SPRYD7: variants seen among roughly 807,000 people sequenced by gnomAD.
The protein encoded by SPRYD7 is SPRY domain-containing protein 7.
Under a neutral mutation model 23.8 loss-of-function variants are expected in SPRYD7, and 14 were observed. That is an observed-to-expected ratio of 0.59 (90% CI 0.39 to 0.92). The LOEUF is 0.92. Ranked by LOEUF, SPRYD7 falls within the 40% of genes least tolerant of loss-of-function variation. The pLI, the probability that SPRYD7 is intolerant of heterozygous loss-of-function variation, is 0.00. For missense variants in SPRYD7, 194 were observed against 241.7 expected, an observed-to-expected ratio of 0.80 and a Z score of 1.31; for synonymous variants, 75 against 84.9, an observed-to-expected ratio of 0.88 and a Z score of 0.64.
At chr13:49,931,469 C>A (rs1955948643) in intron 1 of SPRYD7, among the ~76,000 whole-genome samples, 1 of 151,914 alleles carries the variant, frequency 6.6e-6, no homozygotes, top group Admixed American at 6.6e-5. Flanking sequence ...CGTGAAGCAC[C>A]GCGCCTGGCC....
intron 3 of SPRYD7, among the ~76,000 whole-genome samples, chr13:49,922,956 A>G (rs1955837200): frequency 2.0e-5 from 3 of 152,218 alleles, no homozygotes; most frequent in Non-Finnish European, 2.9e-5. Flanking sequence ...TAACTTAAAC[A>G]ATTATTAATA....
chr13:49,918,233 T>A (rs1955774105), intron 4 of SPRYD7, among the ~76,000 whole-genome samples: 1 of 152,000 alleles, frequency 6.6e-6, no homozygotes, highest in Admixed American at 6.6e-5. Flanking sequence ...TGGATAATTT[T>A]AAAATTTTTT....
At chr13:49,926,016 T>C (rs972219163) in intron 3 of SPRYD7, among the ~76,000 whole-genome samples, 22 of 152,350 alleles carry the variant, frequency 1.4e-4, no homozygotes, top group African/African-American at 5.1e-4. Context: ...GAGAATGCTT[T>C]TCCTGTCTTA....
chr13:49,928,574 T>C (rs915932518), intron 2 of SPRYD7, among the ~76,000 whole-genome samples: 1 of 152,242 alleles, frequency 6.6e-6, no homozygotes, highest in African/African-American at 2.4e-5. Flanking sequence ...TGCTACATCA[T>C]CTTGCGCAAA....
At position 49,930,436 on chromosome 13, in the gene SPRYD7, C is replaced by T. The variant is rs542242732; in HGVS notation, c.223+582G>A. Among the ~76,000 whole-genome samples the T allele has an allele frequency of 4.6e-5, 7 of 152,090 alleles. No individual in the cohort carries two copies. The South Asian group carries it at 1.2e-3, about 27-fold the overall frequency. On this transcript the variant is annotated intron_variant, in intron 2 of 4. Coordinates refer to ENST00000361840, the MANE Select transcript of SPRYD7 (RefSeq NM_020456.4). ...TCTCTACTGAAAATATAAAAATTAG[C>T]TGGGCATGGTGGTGCATGCCTGTAA...
At chr13:49,919,723 T>C (rs1300099416) in intron 4 of SPRYD7, among the ~76,000 whole-genome samples, 7 of 116,190 alleles carry the variant, frequency 6.0e-5, no homozygotes, top group Non-Finnish European at 1.0e-4. Context: ...TGAGACTCTG[T>C]CTCAAAAAAA....
At chr13:49,923,305 A>T (rs1450246672) in intron 3 of SPRYD7, among the ~76,000 whole-genome samples, 1 of 151,766 alleles carries the variant, frequency 6.6e-6, no homozygotes, top group Non-Finnish European at 1.5e-5. Flanking sequence ...GTGCAATGGC[A>T]TGATCTTGGC....
At chr13:49,929,580 C>A (rs1955923554) in intron 2 of SPRYD7, among the ~76,000 whole-genome samples, 1 of 152,112 alleles carries the variant, frequency 6.6e-6, no homozygotes, top group South Asian at 2.1e-4. Context: ...ACTGTAACCT[C>A]TTCTTCCTGG....
intron 2 of SPRYD7, among the ~76,000 whole-genome samples, chr13:49,930,543 T>C (rs1442657619): frequency 6.6e-6 from 1 of 150,880 alleles, no homozygotes; most frequent in African/African-American, 2.4e-5. Flanking sequence ...ACCGCGCCAC[T>C]GCACTCCAGC....
chr13:49,928,325 C>G (rs748979450), intron 2 of SPRYD7, among the ~76,000 whole-genome samples: 3 of 152,112 alleles, frequency 2.0e-5, no homozygotes, highest in Non-Finnish European at 4.4e-5. Context: ...GCCTGTAACC[C>G]CAGCTACTCA....
At chr13:49,931,342 GCTA>G (rs1955946567) in intron 1 of SPRYD7, among the ~76,000 whole-genome samples, 1 of 152,058 alleles carries the variant, frequency 6.6e-6, no homozygotes, top group African/African-American at 2.4e-5. Context: ...ACCACACCTG[GCTA>G]AATTTTTATA....
chr13:49,920,849 TACTC>T (rs1395808907), intron 4 of SPRYD7, among the ~76,000 whole-genome samples: 2 of 152,042 alleles, frequency 1.3e-5, no homozygotes, highest in African/African-American at 2.4e-5. Context: ...TAATCCCAGT[TACTC>T]GGGAGGCTGA....
chr13:49,931,575 G>C (rs1208856491), intron 1 of SPRYD7, among the ~76,000 whole-genome samples: 26 of 152,138 alleles, frequency 1.7e-4, no homozygotes, highest in Admixed American at 1.7e-3. Context: ...TTGAAATATA[G>C]CTGAATTATT....
At chr13:49,934,182 C>G (rs1245214829) in intron 1 of SPRYD7, among the ~76,000 whole-genome samples, 2 of 152,164 alleles carry the variant, frequency 1.3e-5, no homozygotes, top group Non-Finnish European at 2.9e-5. Flanking sequence ...ACTCAACAAC[C>G]CTTTTCTTTC....
chr13:49,926,937 C>G (rs1380056821), intron 3 of SPRYD7, among the ~76,000 whole-genome samples: 4 of 152,036 alleles, frequency 2.6e-5, no homozygotes, highest in African/African-American at 9.7e-5. Flanking sequence ...CTGGAAAAGA[C>G]AGAAAGAAAT....
chr13:49,921,183 AAGTG>A (rs1594511179), intron 4 of SPRYD7, among the ~76,000 whole-genome samples: 2 of 152,080 alleles, frequency 1.3e-5, no homozygotes, highest in African/African-American at 4.8e-5. Context: ...GTTCTTGTAA[AAGTG>A]AGTGAGTTTT....
At chr13:49,923,400 T>C (rs1399285649) in intron 3 of SPRYD7, among the ~76,000 whole-genome samples, 1 of 152,074 alleles carries the variant, frequency 6.6e-6, no homozygotes, top group Non-Finnish European at 1.5e-5. Flanking sequence ...CCCGCCACCA[T>C]GCCTGGCTAA....
intron 4 of SPRYD7, among the ~76,000 whole-genome samples, chr13:49,920,292 AAATT>A (rs1955803951): frequency 6.6e-6 from 1 of 152,036 alleles, no homozygotes; most frequent in Non-Finnish European, 1.5e-5. Context: ...AAAAAACAAA[AAATT>A]AAAGTTAAAA....
intron 3 of SPRYD7, among the ~76,000 whole-genome samples, chr13:49,926,258 A>G (rs533090102): frequency 3.3e-5 from 5 of 152,260 alleles, no homozygotes; most frequent in Non-Finnish European, 5.9e-5. Context: ...CTGTGCTATC[A>G]GACATTACAA....
Sources: allele counts gnomAD v4.1 joint callset (sites outside exome capture counted in the v4.1 genomes callset), GRCh38; gene constraint gnomAD v4.1.1; transcripts MANE v1.5; gene names NCBI Gene and HGNC (gene_info 2026-07-23, HGNC 2026-07-21).